TBC1D22A: variants seen among roughly 807,000 people sequenced by gnomAD.
TBC1D22A encodes the protein TBC1 domain family member 22A.
A neutral mutation model predicts 60.2 loss-of-function variants in TBC1D22A; 38 were observed. That is an observed-to-expected ratio of 0.63 (90% confidence interval 0.49 to 0.83). The LOEUF (loss-of-function observed/expected upper bound fraction) is 0.83, where lower values mean the gene tolerates loss of function less well. TBC1D22A is among the 40% of genes least tolerant of loss of function. TBC1D22A has a pLI of 0.00. For missense variants in TBC1D22A, 628 were observed against 701.0 expected, an observed-to-expected ratio of 0.90 and a Z score of 1.18; for synonymous variants, 302 against 281.7, an observed-to-expected ratio of 1.07 and a Z score of -0.72.
chr22:46,976,067 AAGGATTG>A (rs2074281934), intron 9 of TBC1D22A, among the ~76,000 whole-genome samples: 1 of 152,216 alleles, frequency 6.6e-6, no homozygotes, highest in Non-Finnish European at 1.5e-5. Context: ...CCCTTAGAAA[AAGGATTG>A]AATCATAATG....
chr22:46,924,814 C>G (rs990230689), intron 8 of TBC1D22A, among the ~76,000 whole-genome samples: 1 of 152,004 alleles, frequency 6.6e-6, no homozygotes, highest in South Asian at 2.1e-4. Flanking sequence ...ATAGATTGTT[C>G]TTAAGCATGT....
At chr22:46,907,317 T>G (rs1270686570) in intron 7 of TBC1D22A, among the ~76,000 whole-genome samples, 1 of 152,206 alleles carries the variant, frequency 6.6e-6, no homozygotes, top group Non-Finnish European at 1.5e-5. Flanking sequence ...CTTCTGCCCC[T>G]TCCTCTCTGT....
chr22:46,919,240 C>T (rs1008466853), intron 8 of TBC1D22A, among the ~76,000 whole-genome samples: 10 of 152,200 alleles, frequency 6.6e-5, no homozygotes, highest in African/African-American at 9.7e-5. Flanking sequence ...GGACATTTCA[C>T]GTGAGTGGAA....
chr22:46,982,878 G>A (rs1041084169), intron 9 of TBC1D22A, among the ~76,000 whole-genome samples: 6 of 152,158 alleles, frequency 3.9e-5, no homozygotes, highest in Middle Eastern at 3.4e-3. Context: ...GCAGCGGTGG[G>A]GCGCCCTCCT....
intron 8 of TBC1D22A, among the ~76,000 whole-genome samples, chr22:46,963,682 G>A (rs989636035): frequency 6.6e-6 from 1 of 152,230 alleles, no homozygotes; most frequent in African/African-American, 2.4e-5. Context: ...TCCGGGCCCA[G>A]GTGCCACTCC....
intron 4 of TBC1D22A, among the ~76,000 whole-genome samples, chr22:46,841,145 T>C (rs2086752253): frequency 6.6e-6 from 1 of 151,912 alleles, no homozygotes; most frequent in African/African-American, 2.4e-5. Flanking sequence ...CCAGAATGGA[T>C]GTGTTGAAAT....
intron 4 of TBC1D22A, among the ~76,000 whole-genome samples, chr22:46,828,532 G>A (rs1429502446): frequency 6.6e-6 from 1 of 152,240 alleles, no homozygotes; most frequent in Non-Finnish European, 1.5e-5. Context: ...CGCTTTGGGA[G>A]TCTCCCGTCT....
At chr22:46,877,311 G>T (rs547427700) in intron 4 of TBC1D22A, among the ~76,000 whole-genome samples, 1 of 152,346 alleles carries the variant, frequency 6.6e-6, no homozygotes, top group African/African-American at 2.4e-5. Flanking sequence ...GTCTCATTAT[G>T]TATATTCAGG....
At chr22:47,047,137 G>A (rs1054328326) in intron 11 of TBC1D22A, among the ~76,000 whole-genome samples, 3 of 152,200 alleles carry the variant, frequency 2.0e-5, no homozygotes, top group African/African-American at 7.2e-5. Flanking sequence ...CTTGTTCTTA[G>A]TGCGAGGGTG....
At chr22:47,150,354 G>A (rs369688626) in intron 12 of TBC1D22A, among the ~76,000 whole-genome samples, 142 of 152,230 alleles carry the variant, frequency 9.3e-4, no homozygotes, top group Admixed American at 1.8e-3. Flanking sequence ...GCTTGGAGCC[G>A]GCCTCTGAGG....
Position 46,881,492 on chromosome 22 carries a change from C to T in TBC1D22A, c.708+2769C>T, listed in dbSNP as rs896320517. ...CTCCCAGTGCACTGCTGCCCTGTGT[C>T]TGTCCCTTACTGAGTGCTTGCCGTG... is the stretch of plus-strand genomic sequence containing the variant. On this transcript the variant is annotated intron_variant, in intron 5 of 12. Transcript: ENST00000337137. Among the ~76,000 whole-genome samples, 30 of 152,326 alleles carry T rather than the reference C, an allele frequency of 2.0e-4. No individual in the cohort carries two copies. In the East Asian group the frequency reaches 4.4e-3, roughly 23 times the overall value.
chr22:47,066,082 A>G (rs996975998), intron 11 of TBC1D22A, among the ~76,000 whole-genome samples: 1 of 152,222 alleles, frequency 6.6e-6, no homozygotes, highest in African/African-American at 2.4e-5. Flanking sequence ...TCGTTAGGGA[A>G]GGTGATTGAT....
At chr22:46,929,226 A>C (rs1248698905) in intron 8 of TBC1D22A, among the ~76,000 whole-genome samples, 1 of 152,192 alleles carries the variant, frequency 6.6e-6, no homozygotes, top group East Asian at 1.9e-4. Flanking sequence ...TTGATAATGC[A>C]TGTGGTGGCT....
intron 11 of TBC1D22A, among the ~76,000 whole-genome samples, chr22:47,101,377 C>T (rs1412443611): frequency 6.6e-6 from 1 of 152,206 alleles, no homozygotes; most frequent in Non-Finnish European, 1.5e-5. Context: ...GTGCTGGATG[C>T]TGGGCCGGCC....
chr22:46,891,777 A>T (rs924924488), intron 6 of TBC1D22A, among the ~76,000 whole-genome samples: 1 of 152,178 alleles, frequency 6.6e-6, no homozygotes, highest in Non-Finnish European at 1.5e-5. Flanking sequence ...AGCTGATGGC[A>T]TCAGGACAGA....
At chr22:47,008,721 G>A (rs140919827) in intron 10 of TBC1D22A, among the ~76,000 whole-genome samples, 3 of 152,350 alleles carry the variant, frequency 2.0e-5, no homozygotes, top group African/African-American at 7.2e-5. Flanking sequence ...GCCAGTGCTG[G>A]CCCCTTGGAG....
chr22:47,006,663 C>A (rs1434531192), intron 10 of TBC1D22A, among the ~76,000 whole-genome samples: 5 of 152,322 alleles, frequency 3.3e-5, no homozygotes, highest in Admixed American at 2.0e-4. Flanking sequence ...TGCGTTTTCT[C>A]CCCCCGCTCT....
chr22:46,786,796 C>T (rs1364243221), intron 1 of TBC1D22A, among the ~76,000 whole-genome samples: 1 of 152,148 alleles, frequency 6.6e-6, no homozygotes, highest in Non-Finnish European at 1.5e-5. Flanking sequence ...TCAAGTGATC[C>T]TCCCACGTCA....
intron 4 of TBC1D22A, among the ~76,000 whole-genome samples, chr22:46,807,992 A>ATTT (rs2085222625): frequency 6.6e-6 from 1 of 152,038 alleles, no homozygotes; most frequent in African/African-American, 2.4e-5. Flanking sequence ...AAAAATAAAA[A>ATTT]AGAAACTTGG....
Sources: allele counts gnomAD v4.1 joint callset (sites outside exome capture counted in the v4.1 genomes callset), GRCh38; gene constraint gnomAD v4.1.1; transcripts MANE v1.5; gene names NCBI Gene and HGNC (gene_info 2026-07-23, HGNC 2026-07-21).